The following KCNQ2 variants were observed in gnomAD, a reference collection of about 807,000 sequenced individuals.
KCNQ2 encodes the protein potassium voltage-gated channel subfamily KQT member 2.
Under a neutral mutation model 84.8 loss-of-function variants are expected in KCNQ2, and 14 were observed. The observed-to-expected ratio is 0.17, with a 90% confidence interval of 0.11 to 0.26. The LOEUF (loss-of-function observed/expected upper bound fraction) is 0.26. Among genes scored for constraint, KCNQ2 ranks in the 10% least tolerant of loss-of-function variants. KCNQ2 has a pLI of 1.00. For synonymous variants in KCNQ2, 599 were observed against 554.1 expected, an observed-to-expected ratio of 1.08 and a Z score of -1.14; for missense variants, 788 against 1,254.0, an observed-to-expected ratio of 0.63 and a Z score of 5.61.
rs1237005922 is a variant in KCNQ2 at position 63,425,945 on chromosome 20, G to A, written c.1218-1739C>T. Reference sequence around the variant, plus strand: ...AAAAAGGGAGAATGACAGAGGGGCCGCCGGCCACCACGTTTCCAATCCGGC... The same window carrying A: ...AAAAAGGGAGAATGACAGAGGGGCCACCGGCCACCACGTTTCCAATCCGGC... On this transcript the variant is annotated intron_variant, in intron 10 of 16. Coordinates refer to ENST00000359125, the MANE Select transcript of KCNQ2 (RefSeq NM_172107.4). This position sits in a 1 kb window ranked among gnomAD's most constrained non-coding sequence, Gnocchi z 5.5. Among the ~76,000 whole-genome samples, 2 of 152,178 alleles carry A rather than the reference G, an allele frequency of 1.3e-5. No homozygotes were observed. Among genetic ancestry groups the A allele is most frequent in the Admixed American group, 6.5e-5 (1 of 15,278 alleles).
rs562298681 is a variant in KCNQ2, at chr20:63,404,420, G to C, written c.*2224C>G. ...AAGAGCAGGCGGGGCCACACCTGGC[G>C]GGGGAGGAAAGAGCAGGCGGGGTCA... On this transcript the variant is annotated 3_prime_UTR_variant, in exon 17 of 17. Coordinates refer to ENST00000359125, the MANE Select transcript of KCNQ2 (RefSeq NM_172107.4). 3 of 150,076 alleles carry C rather than the reference G, an allele frequency of 2.0e-5. No homozygotes were observed. Among genetic ancestry groups the C allele is most frequent in the Non-Finnish European group, 2.9e-5 (2 of 67,922 alleles). The allele number at this position is 150,076 out of a possible 1,614,324, so 9.3% of individuals were successfully genotyped here.
chr20:63,420,629 T>C (rs1029363699), intron 11 of KCNQ2, among the ~76,000 whole-genome samples: 3 of 152,176 alleles, frequency 2.0e-5, no homozygotes, highest in African/African-American at 4.8e-5. Context: ...CCGATGTCCC[T>C]GCACGCACCC....
chr20:63,424,260 GT>G (rs2080563429), intron 10 of KCNQ2, 54 bp from the exon 11 acceptor site: 3 of 1,546,706 alleles, frequency 1.9e-6, no homozygotes, highest in Non-Finnish European at 2.6e-6. Context: ...ACCCATGAGG[GT>G]CCCCCAACCA....
At position 63,438,844 on chromosome 20, in the gene KCNQ2, A is replaced by T; in HGVS notation, c.928-124T>A. The T allele has an allele frequency of 4.8e-6, 3 of 626,812 alleles. No homozygotes were observed. The highest frequency in any genetic ancestry group is 5.6e-6 in the Non-Finnish European group (2 of 355,458). 38.8% of individuals were successfully genotyped at this position (626,812 alleles called of 1,614,324 possible). ...ATCAGGGTCAGACCACACTCCAGAG[A>T]CTCACACACCCCCCAATTCATCAGG... On this transcript the variant is annotated intron_variant, in intron 6 of 16. Transcript: ENST00000359125. The surrounding 1 kb of genome is among the most constrained non-coding windows in gnomAD (Gnocchi z 5.1).
In KCNQ2 at chr20:63,404,230, G is replaced by C. The variant is rs980323212; in HGVS notation, c.*2414C>G. The C allele has an allele frequency of 6.6e-6, 1 of 152,260 alleles. No individual in the cohort carries two copies. Among genetic ancestry groups the C allele is most frequent in the African/African-American group, 2.4e-5 (1 of 41,322 alleles). The allele number at this position is 152,260 out of a possible 1,614,324, so 9.4% of individuals were successfully genotyped here. Reference sequence around the variant, plus strand: ...GCCTCAGCGGCCCCATGGGAGGAAAGAGCAGGCGGGGCCTCACCTCGGGGG... The same window carrying C: ...GCCTCAGCGGCCCCATGGGAGGAAACAGCAGGCGGGGCCTCACCTCGGGGG... On this transcript the variant is annotated 3_prime_UTR_variant, in exon 17 of 17. Transcript: ENST00000359125.
intron 1 of KCNQ2, among the ~76,000 whole-genome samples, chr20:63,462,690 C>T (rs971944237): frequency 6.6e-6 from 1 of 152,232 alleles, no homozygotes; most frequent in South Asian, 2.1e-4. Flanking sequence ...CTGCACCTTG[C>T]GTGAAGATGT....
intron 7 of KCNQ2, chr20:63,434,142 G>C: frequency 1.8e-6 from 1 of 549,074 alleles, no homozygotes; most frequent in South Asian, 2.6e-5. Context: ...GAGGGGAGCG[G>C]TTGGGGCTTG....
chr20:63,433,608 A>T lies in KCNQ2; in HGVS notation c.1118+201T>A, dbSNP rs3746360. 7,844 of 962,048 alleles carry T rather than the reference A, an allele frequency of 8.2e-3. 543 individuals carry two copies. The East Asian group carries it at 0.16, about 20-fold the overall frequency. 59.6% of individuals were successfully genotyped at this position (962,048 alleles called of 1,614,324 possible). ...TAAAGCAAAGGGGTGAGGAAATGAA[A>T]GTGAAGAGAAAGCCGCAGCTCTAAC... is the stretch of plus-strand genomic sequence containing the variant. On this transcript the variant is annotated intron_variant, in intron 8 of 16. Coordinates refer to ENST00000359125, the MANE Select transcript of KCNQ2 (RefSeq NM_172107.4).
At chr20:63,471,499 G>A (rs932719320) in intron 1 of KCNQ2, among the ~76,000 whole-genome samples, 1 of 152,224 alleles carries the variant, frequency 6.6e-6, no homozygotes, top group Non-Finnish European at 1.5e-5. Flanking sequence ...TCCTGAGCCC[G>A]GGATGTGCAC....
chr20:63,446,647 G>A lies in KCNQ2; in HGVS notation c.387+100C>T. 2.1e-6 allele frequency: 2 copies of A among 960,918 alleles called. No homozygotes were observed. The highest frequency in any genetic ancestry group is 2.6e-5 in the South Asian group (2 of 76,050). The allele number at this position is 960,918 out of a possible 1,614,324, so 59.5% of individuals were successfully genotyped here. On this transcript the variant is annotated intron_variant, in intron 2 of 16. Transcript: ENST00000359125. This position sits in a 1 kb window ranked among gnomAD's most constrained non-coding sequence, Gnocchi z 5.5. Reference sequence around the variant, plus strand: ...GACATGGCCAGAGCTGGGGCTGGGGGCGTCAGAGGCCCTGTAGTAACAGGA... The same window carrying A: ...GACATGGCCAGAGCTGGGGCTGGGGACGTCAGAGGCCCTGTAGTAACAGGA...
chr20:63,417,787 C>G (rs2080340422), intron 12 of KCNQ2, among the ~76,000 whole-genome samples: 1 of 152,218 alleles, frequency 6.6e-6, no homozygotes, highest in Non-Finnish European at 1.5e-5. Context: ...AGGGGGGACC[C>G]CCCGCTGACC....
rs1244500696 is a variant in KCNQ2, at chr20:63,414,183, G to C, written c.1536C>G (p.Leu512=). ...ASRQNSEEAS[L]PGEDIVDDKS... ...TGTCATCCACAATGTCCTCTCCGGG[G>C]AGGCTTGCTTCTGGGGGGAAGGAGA... Residue 512 remains leucine, a synonymous_variant, in exon 14 of 17, where the codon CTC becomes CTG. Transcript: ENST00000359125. The surrounding 1 kb of genome is among the most constrained non-coding windows in gnomAD (Gnocchi z 6.6). The C allele has an allele frequency of 6.2e-7, 1 of 1,613,428 alleles. No homozygotes were observed.
chr20:63,472,490 C>T lies in KCNQ2; in HGVS notation c.-27G>A. ...GTGCCTGGCGGGAGGCGCCCCGGGTCGGGCTCAGGCTCAGCGGGGGCGGAG... is the reference window on the plus strand; with the variant it reads ...GTGCCTGGCGGGAGGCGCCCCGGGTTGGGCTCAGGCTCAGCGGGGGCGGAG... On this transcript the variant is annotated 5_prime_UTR_variant, in exon 1 of 17. Transcript: ENST00000359125. The T allele has an allele frequency of 2.1e-6, 3 of 1,458,542 alleles. No homozygotes were observed. The South Asian group carries it at 4.0e-5, about 19-fold the overall frequency. 90.4% of individuals were successfully genotyped at this position (1,458,542 alleles called of 1,614,324 possible).
chr20:63,443,494 CATCACCACCACCACG>C (rs1568938091), intron 4 of KCNQ2: 1 of 141,836 alleles, frequency 7.1e-6, no homozygotes, highest in Admixed American at 7.0e-5. Context: ...CCACCATCAC[CATCACCACCACCACG>C]ATCACCACCA....
intron 1 of KCNQ2, among the ~76,000 whole-genome samples, chr20:63,462,386 A>C (rs2081980418): frequency 6.6e-6 from 1 of 151,156 alleles, no homozygotes; most frequent in South Asian, 2.1e-4. Context: ...TACCCCAGGC[A>C]GCAGGGAGGA....
intron 1 of KCNQ2, among the ~76,000 whole-genome samples, chr20:63,467,538 C>T (rs950611246): frequency 2.0e-5 from 3 of 151,456 alleles, no homozygotes; most frequent in African/African-American, 7.4e-5. Context: ...AATGTCACTC[C>T]TACAGGGCAG....
Position 63,433,800 on chromosome 20 carries a change from CGGCGGTACCTGTACATGGGCACGGT to C in KCNQ2, c.1102_1118+8del. 1 of 1,613,828 alleles carries C rather than the reference CGGCGGTACCTGTACATGGGCACGGT, an allele frequency of 6.2e-7. No homozygotes were observed. The highest frequency in any genetic ancestry group is 8.5e-7 in the Non-Finnish European group (1 of 1,179,878). On this transcript the variant is annotated splice_donor_variant and splice_donor_5th_base_variant and coding_sequence_variant and intron_variant, in exon 8 of 17. Transcript: ENST00000359125. LOFTEE classifies it high-confidence loss of function. ...CAGTTGCTTGGTGGCAGGTGCCCGG[CGGCGGTACCTGTACATGGGCACGGT>C]GACCGTTCGCTCGTAGTACTGCCAC...
chr20:63,424,143 G>A (rs201352950), intron 11 of KCNQ2, 34 bp downstream of exon 11: 13 of 1,552,782 alleles, frequency 8.4e-6, no homozygotes, highest in Middle Eastern at 1.7e-4. Context: ...CCGTGCACAC[G>A]GCAGACACCA....
At chr20:63,415,372 G>C (rs190015187) in intron 12 of KCNQ2, among the ~76,000 whole-genome samples, 13 of 127,396 alleles carry the variant, frequency 1.0e-4, no homozygotes, top group East Asian at 5.0e-4. Context: ...GGGAGGCCAC[G>C]GGGACCGAGC....
Sources: gnomAD v4.1 joint callset for allele counts (sites outside exome capture counted in the v4.1 genomes callset) on GRCh38, gnomAD v4.1.1 for gene constraint, Gnocchi (gnomAD v3.1) non-coding constraint, MANE v1.5 for transcripts, NCBI Gene and HGNC (gene_info 2026-07-23, HGNC 2026-07-21) for gene names.